The following HDGFL2 variants were observed in gnomAD, a reference collection of about 807,000 sequenced individuals.
HDGFL2 encodes hepatoma-derived growth factor-related protein 2.
Under a neutral mutation model 77.1 loss-of-function variants are expected in HDGFL2, and 36 were observed. That is an observed-to-expected ratio of 0.47 (90% CI 0.36 to 0.62). The LOEUF (loss-of-function observed/expected upper bound fraction) is 0.62. HDGFL2 is among the 20% of genes least tolerant of loss of function. HDGFL2 has a pLI of 0.00. For missense variants in HDGFL2, 976 were observed against 973.4 expected (o/e 1.00, Z -0.04); for synonymous variants, 463 against 413.1 (o/e 1.12, Z -1.46).
intron 3 of HDGFL2, among the ~76,000 whole-genome samples, chr19:4,484,555 A>C (rs992471753): frequency 2.0e-5 from 3 of 151,358 alleles, no homozygotes; most frequent in Middle Eastern, 3.5e-3. Flanking sequence ...GCTGGAGTGC[A>C]GTGGTGCGAT....
intron 4 of HDGFL2, among the ~76,000 whole-genome samples, chr19:4,489,259 CT>C (rs11365024): frequency 0.7 from 99,816 of 143,402 alleles, 34,745 homozygotes; most frequent in African/African-American, 0.78. Flanking sequence ...GGCCACCTTT[CT>C]TTTTTTTTTT....
chr19:4,472,450 T>TAG (rs1264231334), intron 1 of HDGFL2, 28 bp downstream of exon 1: 1 of 268,010 alleles, frequency 3.7e-6, no homozygotes, highest in Non-Finnish European at 6.2e-6. Context: ...ATGGGGCCGG[T>TAG]GGGGGGGGGG....
At chr19:4,489,116 G>C (rs1471816327) in intron 4 of HDGFL2, among the ~76,000 whole-genome samples, 2 of 149,932 alleles carry the variant, frequency 1.3e-5, no homozygotes, top group African/African-American at 2.5e-5. Flanking sequence ...ACCGCACTTG[G>C]CTAATTTTTG....
At position 4,488,754 on chromosome 19, in the gene HDGFL2, C is replaced by CGGG. The variant is rs914269467; in HGVS notation, c.371_373dup (p.Gly124dup). ...TGACGCTGACGAGGACGATGAGGAC[C>CGGG]GGGGGGTCATGGCCGTCACAGCGGT... On this transcript the variant is annotated inframe_insertion, in exon 4 of 16. Coordinates refer to ENST00000616600, the MANE Select transcript of HDGFL2 (RefSeq NM_001001520.3). 2.1e-5 allele frequency: 33 copies of CGGG among 1,552,966 alleles called. No homozygotes were observed. Among genetic ancestry groups the CGGG allele is most frequent in the Non-Finnish European group, 2.5e-5 (29 of 1,148,006 alleles).
intron 10 of HDGFL2, chr19:4,497,389 G>A (rs1397871163): frequency 3.1e-6 from 1 of 325,324 alleles, no homozygotes; most frequent in Non-Finnish European, 6.0e-6. Flanking sequence ...AGTAGAGACG[G>A]GGCTTCACCG....
chr19:4,478,628 A>G (rs1375428940), intron 3 of HDGFL2, among the ~76,000 whole-genome samples: 1 of 151,618 alleles, frequency 6.6e-6, no homozygotes, highest in Non-Finnish European at 1.5e-5. Context: ...TTCCACTTGC[A>G]TCGCCTTTTG....
At chr19:4,495,719 G>A (rs935648106) in intron 9 of HDGFL2, among the ~76,000 whole-genome samples, 2 of 152,118 alleles carry the variant, frequency 1.3e-5, no homozygotes, top group African/African-American at 2.4e-5. Flanking sequence ...GGGTGCTCTC[G>A]GGTGCCCTCT....
chr19:4,480,248 G>A (rs1043251570), intron 3 of HDGFL2, among the ~76,000 whole-genome samples: 4 of 152,210 alleles, frequency 2.6e-5, no homozygotes, highest in Admixed American at 2.0e-4. Flanking sequence ...TCTCAAGCTT[G>A]TGAGCAACAG....
Position 4,488,890 on chromosome 19 carries a change from A to G in HDGFL2, c.489+14A>G, listed in dbSNP as rs1396856909. ...CCTGCGCTAAAGGTAGGGGAGGACC[A>G]AGGTGGGCTGGCCCTTCATCCCCTT... On this transcript the variant is annotated intron_variant, in intron 4 of 15. Coordinates refer to ENST00000616600, the MANE Select transcript of HDGFL2 (RefSeq NM_001001520.3). 6.5e-7 allele frequency: 1 copy of G among 1,548,144 alleles called. No homozygotes were observed. The highest frequency in any genetic ancestry group is 1.2e-5 in the South Asian group (1 of 83,970).
chr19:4,491,858 TC>T, intron 6 of HDGFL2, 23 bp downstream of exon 6: 1 of 1,607,216 alleles, frequency 6.2e-7, no homozygotes, highest in Non-Finnish European at 8.5e-7. Context: ...TGACTTTGTT[TC>T]CCATGCCCAC....
At chr19:4,497,048 T>C (rs1245321528) in intron 10 of HDGFL2, 1 of 401,640 alleles carries the variant, frequency 2.5e-6, no homozygotes, top group African/African-American at 2.1e-5. Flanking sequence ...CTAATTTTTG[T>C]TGCTTTAGTA....
chr19:4,490,479 A>T (rs1354878488), intron 4 of HDGFL2, among the ~76,000 whole-genome samples: 1 of 152,008 alleles, frequency 6.6e-6, no homozygotes, highest in Non-Finnish European at 1.5e-5. Flanking sequence ...GGTTGTTTCC[A>T]CTTTTGGGCC....
At chr19:4,484,519 G>A (rs1975308604) in intron 3 of HDGFL2, among the ~76,000 whole-genome samples, 2 of 150,126 alleles carry the variant, frequency 1.3e-5, no homozygotes, top group East Asian at 4.0e-4. Context: ...TTTTTTTTGA[G>A]ACAGAGTCTT....
chr19:4,491,461 A>T, intron 4 of HDGFL2, 105 bp from the exon 5 acceptor site: 1 of 893,968 alleles, frequency 1.1e-6, no homozygotes, highest in Non-Finnish European at 1.8e-6. Context: ...CCCGCCAGAG[A>T]GGTTCCAGAG....
Position 4,496,341 on chromosome 19 carries a change from G to A in HDGFL2, c.1264G>A (p.Glu422Lys), listed in dbSNP as rs1226448701. The change falls in exon 10 of 16, where the codon GAG becomes AAG. Residue 422 changes from glutamate to lysine, a missense_variant. By Grantham distance (56) the Glu-to-Lys change is moderately conservative. Transcript: ENST00000616600. Reference protein sequence around the residue: ...SAKKPQSSSTEPARKPGQKEK... With the variant: ...SAKKPQSSSTKPARKPGQKEK... ...GAAGAAGCCGCAGTCCTCAAGCACA[G>A]AGCCCGCCAGGAAACCTGGCCAGAA... 3 of 1,614,048 alleles carry A rather than the reference G, an allele frequency of 1.9e-6. No individual in the cohort carries two copies. The highest frequency in any genetic ancestry group is 1.7e-6 in the Non-Finnish European group (2 of 1,180,018).
chr19:4,499,568 C>T lies in HDGFL2; in HGVS notation c.1653C>T (p.Leu551=), dbSNP rs371778185. ...ATACCCGGCTCAAGTCGCGGGTCCTCGGCCCAAAGATCGAGGCGGTGCAGA... is the reference window on the plus strand; with the variant it reads ...ATACCCGGCTCAAGTCGCGGGTCCTTGGCCCAAAGATCGAGGCGGTGCAGA... The part of the protein sequence containing the change: ...EVYTRLKSRV[L]GPKIEAVQKV... Residue 551 remains leucine, a synonymous_variant, in exon 14 of 16, where the codon CTC becomes CTT. Coordinates refer to ENST00000616600, the MANE Select transcript of HDGFL2 (RefSeq NM_001001520.3). 428 of 1,613,476 alleles carry T rather than the reference C, an allele frequency of 2.7e-4. No individual in the cohort carries two copies. Among genetic ancestry groups the T allele is most frequent in the Non-Finnish European group, 3.4e-4 (407 of 1,179,836 alleles).
chr19:4,493,066 C>CTGTGTGTGGTGTG (rs1975578259), intron 6 of HDGFL2, among the ~76,000 whole-genome samples: 1 of 69,924 alleles, frequency 1.4e-5, no homozygotes, highest in Admixed American at 1.8e-4. Flanking sequence ...TGTGTGTTGT[C>CTGTGTGTGGTGTG]TGTGTGTGGT....
intron 4 of HDGFL2, among the ~76,000 whole-genome samples, chr19:4,491,286 G>A (rs1442726403): frequency 2.5e-4 from 3 of 11,774 alleles, no homozygotes; most frequent in African/African-American, 3.4e-4. Context: ...CACCCCCCCC[G>A]GCGCAGCCCT....
At chr19:4,472,636 A>C (rs572936085) in intron 1 of HDGFL2, among the ~76,000 whole-genome samples, 1 of 86,346 alleles carries the variant, frequency 1.2e-5, no homozygotes, top group Non-Finnish European at 2.5e-5. Flanking sequence ...GCTGCGCCCT[A>C]GGGGTCTGGG....
Sources: gnomAD v4.1 joint callset for allele counts (sites outside exome capture counted in the v4.1 genomes callset) on GRCh38, gnomAD v4.1.1 for gene constraint, MANE v1.5 for transcripts, NCBI Gene and HGNC (gene_info 2026-07-23, HGNC 2026-07-21) for gene names.